The following TEX53 variants were observed in gnomAD, a reference collection of about 807,000 sequenced individuals.
The protein encoded by TEX53 is testis expressed 53.
intron 1 of TEX53, among the ~76,000 whole-genome samples, chr9:114,657,349 C>G (rs1827725549): frequency 6.6e-6 from 1 of 152,122 alleles, no homozygotes; most frequent in South Asian, 2.1e-4. Flanking sequence ...ACTCAGTAAG[C>G]AGCAGAGGCA....
rs1827709062 is a variant in TEX53 at position 114,656,567 on chromosome 9, GGTT to G, written c.172_174del (p.Asn58del). 4 of 398,600 alleles carry G rather than the reference GGTT, an allele frequency of 1.0e-5. No individual in the cohort carries two copies. The highest frequency in any genetic ancestry group is 4.4e-5 in the Admixed American group (1 of 22,732). The allele number at this position is 398,600 out of a possible 1,614,324, so 24.7% of individuals were successfully genotyped here. A position where few individuals can be genotyped will look rare whatever the true frequency, so the allele number is the denominator to read the frequency against. On this transcript the variant is annotated inframe_deletion, in exon 2 of 2. Coordinates refer to ENST00000423632, the MANE Select transcript of TEX53 (RefSeq NM_001354645.2). ...AGGATGCACGCCTTGAGCATCATGC[GGTT>G]GTCATAGGGGAGGCGTGGATGTCTT...
intron 1 of TEX53, among the ~76,000 whole-genome samples, chr9:114,656,962 C>T (rs534225219): frequency 4.6e-5 from 7 of 152,220 alleles, no homozygotes; most frequent in South Asian, 2.1e-4. Flanking sequence ...CTGCAAGCTC[C>T]GCCTCCTCGG....
chr9:114,657,265 ATATAT>A (rs1827724417), intron 1 of TEX53, among the ~76,000 whole-genome samples: 2 of 152,184 alleles, frequency 1.3e-5, no homozygotes, highest in Non-Finnish European at 2.9e-5. Context: ...ACAGTGGGCA[ATATAT>A]TATCGTTATC....
Position 114,657,706 on chromosome 9 carries a change from G to A in TEX53, c.69C>T (p.His23=). 2.5e-6 allele frequency: 1 copy of A among 398,708 alleles called. No individual in the cohort carries two copies. The highest frequency in any genetic ancestry group is 4.4e-6 in the Non-Finnish European group (1 of 226,120). 24.7% of individuals were successfully genotyped at this position (398,708 alleles called of 1,614,324 possible). ...SEGSSTTVGF[H]NPRMFEQHHP... ...GATGCTGTTCGAACATTCTTGGATTGTGGAAGCCAACAGTGGTGGAAGACC... is the reference window on the plus strand; with the variant it reads ...GATGCTGTTCGAACATTCTTGGATTATGGAAGCCAACAGTGGTGGAAGACC... Residue 23 remains histidine, a synonymous_variant, in exon 1 of 2, where the codon CAC becomes CAT. Transcript: ENST00000423632.
chr9:114,657,324 C>T (rs984682518), intron 1 of TEX53, among the ~76,000 whole-genome samples: 2 of 152,148 alleles, frequency 1.3e-5, no homozygotes, highest in African/African-American at 4.8e-5. Context: ...GAGGGAGGGT[C>T]GGCGACATGC....
rs939770541 is a variant in TEX53 at position 114,656,567 on chromosome 9, G to A, written c.175C>T (p.Arg59Cys). The A allele has an allele frequency of 2.5e-5, 10 of 398,484 alleles. No individual in the cohort carries two copies. Among genetic ancestry groups the A allele is most frequent in the South Asian group, 1.3e-4 (1 of 7,858 alleles). The allele number at this position is 398,484 out of a possible 1,614,324, so 24.7% of individuals were successfully genotyped here. A position where few individuals can be genotyped will look rare whatever the true frequency, so the allele number is the denominator to read the frequency against. Residue 59 changes from arginine (R) to cysteine (C), a missense_variant, in exon 2 of 2, where the codon CGC (arginine) becomes TGC (cysteine). Coordinates refer to ENST00000423632, the MANE Select transcript of TEX53 (RefSeq NM_001354645.2). ...AGGATGCACGCCTTGAGCATCATGC[G>A]GTTGTCATAGGGGAGGCGTGGATGT... Reference protein sequence around the residue: ...KRHPRLPYDNRMMLKACILRR... With the variant: ...KRHPRLPYDNCMMLKACILRR...
chr9:114,656,496 C>T lies in TEX53; in HGVS notation c.*33G>A. 1 of 398,310 alleles carries T rather than the reference C, an allele frequency of 2.5e-6. No homozygotes were observed. 24.7% of individuals were successfully genotyped at this position (398,310 alleles called of 1,614,324 possible). A position where few individuals can be genotyped will look rare whatever the true frequency, so the allele number is the denominator to read the frequency against. On this transcript the variant is annotated 3_prime_UTR_variant, in exon 2 of 2. Coordinates refer to ENST00000423632, the MANE Select transcript of TEX53 (RefSeq NM_001354645.2). ...TGGAAGCCCAGCAGCTGTGCAGCCG[C>T]AGGGACCACGTGGGTGCCGCCGGCT...
Position 114,656,488 on chromosome 9 carries a change from T to G in TEX53, c.*41A>C, listed in dbSNP as rs1827707623. 1 of 398,446 alleles carries G rather than the reference T, an allele frequency of 2.5e-6. No individual in the cohort carries two copies. The highest frequency in any genetic ancestry group is 2.1e-5 in the African/African-American group (1 of 48,730). 24.7% of individuals were successfully genotyped at this position (398,446 alleles called of 1,614,324 possible). Reference sequence around the variant, plus strand: ...CTTCCTCATGGAAGCCCAGCAGCTGTGCAGCCGCAGGGACCACGTGGGTGC... The same window carrying G: ...CTTCCTCATGGAAGCCCAGCAGCTGGGCAGCCGCAGGGACCACGTGGGTGC... On this transcript the variant is annotated 3_prime_UTR_variant, in exon 2 of 2. Coordinates refer to ENST00000423632, the MANE Select transcript of TEX53 (RefSeq NM_001354645.2).
At position 114,656,534 on chromosome 9, in the gene TEX53, G is replaced by A. The variant is rs1827708405; in HGVS notation, c.208C>T (p.Pro70Ser). 2 of 398,642 alleles carry A rather than the reference G, an allele frequency of 5.0e-6. No individual in the cohort carries two copies. Among genetic ancestry groups the A allele is most frequent in the African/African-American group, 2.1e-5 (1 of 48,768 alleles). 24.7% of individuals were successfully genotyped at this position (398,642 alleles called of 1,614,324 possible). ...MMLKACILRRP is the reference protein window; with the variant it reads ...MMLKACILRRS ...GGTGCCGCCGGCTAGAATGCTCATG[G>A]CCTCCTAAGGATGCACGCCTTGAGC... Residue 70 changes from proline to serine, a missense_variant, in exon 2 of 2, where the codon CCA (proline) becomes TCA (serine). Transcript: ENST00000423632.
At chr9:114,657,152 A>G (rs1827722943) in intron 1 of TEX53, among the ~76,000 whole-genome samples, 1 of 152,218 alleles carries the variant, frequency 6.6e-6, no homozygotes, top group Non-Finnish European at 1.5e-5. Flanking sequence ...CTGGGATTAC[A>G]GGCGTGAGCC....
chr9:114,657,536 C>T, intron 1 of TEX53, 130 bp downstream of exon 1: 1 of 396,790 alleles, frequency 2.5e-6, no homozygotes, highest in South Asian at 1.4e-4. Flanking sequence ...AGTAACTACG[C>T]CCTTTCCACA....
chr9:114,656,647 G>T lies in TEX53; in HGVS notation c.110-15C>A, dbSNP rs1827709834. On this transcript the variant is annotated splice_polypyrimidine_tract_variant and intron_variant, in intron 1 of 1. Transcript: ENST00000423632. ...TGTGTTCAGATCTGAAAGAACAGAG[G>T]AATAAACTTATCCTGGGTAAAGGCT... 2.5e-6 allele frequency: 1 copy of T among 398,386 alleles called. No homozygotes were observed. Among genetic ancestry groups the T allele is most frequent in the Admixed American group, 4.4e-5 (1 of 22,714 alleles). 24.7% of individuals were successfully genotyped at this position (398,386 alleles called of 1,614,324 possible). A position where few individuals can be genotyped will look rare whatever the true frequency, so the allele number is the denominator to read the frequency against.
chr9:114,657,165 C>T (rs1374133067), intron 1 of TEX53, among the ~76,000 whole-genome samples: 3 of 152,330 alleles, frequency 2.0e-5, no homozygotes, highest in South Asian at 4.1e-4. Context: ...CGTGAGCCAC[C>T]GTGCCCGGCC....
Position 114,656,505 on chromosome 9 carries a change from C to T in TEX53, c.*24G>A, listed in dbSNP as rs762996850. 13 of 398,396 alleles carry T rather than the reference C, an allele frequency of 3.3e-5. No individual in the cohort carries two copies. Among genetic ancestry groups the T allele is most frequent in the Admixed American group, 1.8e-4 (4 of 22,696 alleles). The allele number at this position is 398,396 out of a possible 1,614,324, so 24.7% of individuals were successfully genotyped here. A position where few individuals can be genotyped will look rare whatever the true frequency, so the allele number is the denominator to read the frequency against. ...AGCAGCTGTGCAGCCGCAGGGACCA[C>T]GTGGGTGCCGCCGGCTAGAATGCTC... On this transcript the variant is annotated 3_prime_UTR_variant, in exon 2 of 2. Coordinates refer to ENST00000423632, the MANE Select transcript of TEX53 (RefSeq NM_001354645.2).
At position 114,656,511 on chromosome 9, in the gene TEX53, T is replaced by A. The variant is rs113449241; in HGVS notation, c.*18A>T. ...TGTGCAGCCGCAGGGACCACGTGGG[T>A]GCCGCCGGCTAGAATGCTCATGGCC... On this transcript the variant is annotated 3_prime_UTR_variant, in exon 2 of 2. Coordinates refer to ENST00000423632, the MANE Select transcript of TEX53 (RefSeq NM_001354645.2). 6.2e-4 allele frequency: 249 copies of A among 398,540 alleles called. No individual in the cohort carries two copies. The highest frequency in any genetic ancestry group is 4.6e-3 in the African/African-American group (223 of 48,718). 24.7% of individuals were successfully genotyped at this position (398,540 alleles called of 1,614,324 possible).
At chr9:114,657,222 A>G (rs961631975) in intron 1 of TEX53, among the ~76,000 whole-genome samples, 1 of 151,972 alleles carries the variant, frequency 6.6e-6, no homozygotes, top group Non-Finnish European at 1.5e-5. Context: ...TCACTTACAC[A>G]CGGTGCCTGC....
chr9:114,657,021 C>T (rs981719698), intron 1 of TEX53, among the ~76,000 whole-genome samples: 12 of 152,232 alleles, frequency 7.9e-5, no homozygotes, highest in Middle Eastern at 3.4e-3. Flanking sequence ...GGACTACAGG[C>T]GCCCACCACC....
intron 1 of TEX53, 41 bp downstream of exon 1, chr9:114,657,625 G>A (rs1827727903): frequency 2.5e-6 from 1 of 398,612 alleles, no homozygotes; most frequent in Non-Finnish European, 4.4e-6. Context: ...GAATCATTCA[G>A]GTGTTCCTGA....
intron 1 of TEX53, 145 bp from the exon 2 acceptor site, chr9:114,656,777 A>T (rs1827710863): frequency 2.5e-6 from 1 of 393,990 alleles, no homozygotes. Flanking sequence ...GCTAAGAATG[A>T]TCTCGAGCTG....
Sources: gnomAD v4.1 joint callset for allele counts (sites outside exome capture counted in the v4.1 genomes callset) on GRCh38, gnomAD v4.1.1 for gene constraint, MANE v1.5 for transcripts, NCBI Gene and HGNC (gene_info 2026-07-23, HGNC 2026-07-21) for gene names.